Variants in UNC5D observed in about 807,000 individuals in gnomAD.
UNC5D encodes netrin receptor UNC5D.
Under a neutral mutation model 105.4 loss-of-function variants are expected in UNC5D, and 39 were observed. That is an observed-to-expected ratio of 0.37 (90% CI 0.29 to 0.48). UNC5D has a LOEUF of 0.48. Among genes scored for constraint, UNC5D ranks in the 20% least tolerant of loss-of-function variants. The pLI is 0.98. For missense variants in UNC5D, 991 were observed against 1,202.4 expected, an observed-to-expected ratio of 0.82 and a Z score of 2.60; for synonymous variants, 452 against 450.4, an observed-to-expected ratio of 1.00 and a Z score of -0.04.
chr8:35,271,422 C>T (rs924393924), intron 1 of UNC5D, among the ~76,000 whole-genome samples: 5 of 136,206 alleles, frequency 3.7e-5, no homozygotes, highest in Admixed American at 7.3e-5. Flanking sequence ...TATACACACA[C>T]ATATGTGTGT....
chr8:35,495,219 C>T (rs1186626961), intron 1 of UNC5D, among the ~76,000 whole-genome samples: 1 of 152,052 alleles, frequency 6.6e-6, no homozygotes, highest in Non-Finnish European at 1.5e-5. Context: ...TACTTCAGAA[C>T]AGCAGCACAG....
At chr8:35,736,419 T>C (rs1448737768) in intron 11 of UNC5D, among the ~76,000 whole-genome samples, 2 of 152,168 alleles carry the variant, frequency 1.3e-5, no homozygotes, top group African/African-American at 4.8e-5. Context: ...TTACACTCTT[T>C]TAATAACTAG....
Position 35,678,826 on chromosome 8 carries a change from CTT to C in UNC5D, c.571-4716_571-4715del, listed in dbSNP as rs978200658. ...TCCTCTTTTTTGTTCTTTTCTCTCT[CTT>C]TTTTCTCTTTCTTTCTCTCTTTCTT... On this transcript the variant is annotated intron_variant, in intron 4 of 16. Coordinates refer to ENST00000404895, the MANE Select transcript of UNC5D (RefSeq NM_080872.4). Among the ~76,000 whole-genome samples the C allele has an allele frequency of 2.6e-5, 4 of 152,104 alleles. No individual in the cohort carries two copies. The East Asian group carries it at 7.7e-4, about 29-fold the overall frequency.
intron 2 of UNC5D, among the ~76,000 whole-genome samples, chr8:35,565,086 C>G (rs935447479): frequency 6.6e-6 from 1 of 152,040 alleles, no homozygotes; most frequent in Non-Finnish European, 1.5e-5. Flanking sequence ...ATAATGACTT[C>G]GTTTTCTTTG....
At chr8:35,633,531 C>T (rs1354358233) in intron 4 of UNC5D, among the ~76,000 whole-genome samples, 1 of 151,764 alleles carries the variant, frequency 6.6e-6, no homozygotes, top group Non-Finnish European at 1.5e-5. Context: ...GAGGATCTCT[C>T]AAGACCAGGA....
At chr8:35,470,615 A>T (rs1355734075) in intron 1 of UNC5D, among the ~76,000 whole-genome samples, 1 of 151,002 alleles carries the variant, frequency 6.6e-6, no homozygotes. Flanking sequence ...AAAAAAAAAA[A>T]AAAAAATTAC....
intron 4 of UNC5D, among the ~76,000 whole-genome samples, chr8:35,671,488 C>CTT (rs1824801469): frequency 6.6e-6 from 1 of 152,130 alleles, no homozygotes; most frequent in Admixed American, 6.6e-5. Context: ...GCATAAAGAA[C>CTT]TTTTGTTTGG....
chr8:35,288,240 A>G (rs1269391540), intron 1 of UNC5D, among the ~76,000 whole-genome samples: 1 of 152,210 alleles, frequency 6.6e-6, no homozygotes, highest in East Asian at 1.9e-4. Context: ...GAGCCCCAGT[A>G]CATCTTTCAG....
At chr8:35,571,324 T>G (rs760045409) in intron 3 of UNC5D, among the ~76,000 whole-genome samples, 6 of 152,260 alleles carry the variant, frequency 3.9e-5, no homozygotes, top group Non-Finnish European at 2.9e-5. Context: ...TGAATATTAT[T>G]AAAGCCTAAA....
chr8:35,766,936 G>A lies in UNC5D; in HGVS notation c.2348G>A (p.Arg783Gln), dbSNP rs112851152. The A allele has an allele frequency of 1.5e-5, 24 of 1,613,572 alleles. No homozygotes were observed. Among genetic ancestry groups the A allele is most frequent in the Admixed American group, 3.3e-5 (2 of 59,956 alleles). The stretch of plus-strand genomic sequence containing the variant: ...TTCTCCCGCGTGTGGTGCAGTAACC[G>A]GCAGCCCCTGCACTGTGCCTTCTCC... Reference protein sequence around the residue: ...VPFSRVWCSNRQPLHCAFSLE... With the variant: ...VPFSRVWCSNQQPLHCAFSLE... The change falls in exon 15 of 17, where the codon CGG (arginine) becomes CAG (glutamine). Residue 783 changes from arginine to glutamine, a missense_variant. By Grantham distance (43) the Arg-to-Gln change is conservative. Around this residue, in one of 3 missense-constraint regions of UNC5D, gnomAD observed 944 missense variants for 1,131.6 expected, o/e 0.83. Transcript: ENST00000404895.
chr8:35,436,848 G>C (rs570602497), intron 1 of UNC5D, among the ~76,000 whole-genome samples: 1 of 152,002 alleles, frequency 6.6e-6, no homozygotes, highest in African/African-American at 2.4e-5. Context: ...AAAAAGCCTA[G>C]AGACTTTTTC....
At chr8:35,632,445 T>C (rs1822100122) in intron 4 of UNC5D, among the ~76,000 whole-genome samples, 2 of 152,208 alleles carry the variant, frequency 1.3e-5, no homozygotes, top group African/African-American at 2.4e-5. Flanking sequence ...GAAGGGGGCC[T>C]GGGCCCTTCT....
At position 35,791,590 on chromosome 8, in the gene UNC5D, T is replaced by A. The variant is rs564821210; in HGVS notation, c.*1027T>A. 1 of 152,314 alleles carries A rather than the reference T, an allele frequency of 6.6e-6. No individual in the cohort carries two copies. Among genetic ancestry groups the A allele is most frequent in the African/African-American group, 2.4e-5 (1 of 41,578 alleles). The allele number at this position is 152,314 out of a possible 1,614,324, so 9.4% of individuals were successfully genotyped here. ...TTCTTGAAATTGTCTAACATGTGGG[T>A]ACTGTGTCATCACAAAATCTCTCAG... On this transcript the variant is annotated 3_prime_UTR_variant, in exon 17 of 17. Coordinates refer to ENST00000404895, the MANE Select transcript of UNC5D (RefSeq NM_080872.4).
chr8:35,511,734 A>G (rs981292518), intron 1 of UNC5D, among the ~76,000 whole-genome samples: 8 of 146,208 alleles, frequency 5.5e-5, no homozygotes, highest in Admixed American at 2.0e-4. Flanking sequence ...ATGAGCTAAA[A>G]AAAAAATTAA....
At chr8:35,535,085 C>T (rs1363726239) in intron 1 of UNC5D, among the ~76,000 whole-genome samples, 1 of 152,050 alleles carries the variant, frequency 6.6e-6, no homozygotes, top group Non-Finnish European at 1.5e-5. Context: ...CAGGTCATTA[C>T]CCATCTCCTG....
chr8:35,675,138 T>C (rs1825123430), intron 4 of UNC5D, among the ~76,000 whole-genome samples: 2 of 152,212 alleles, frequency 1.3e-5, no homozygotes, highest in Admixed American at 1.3e-4. Flanking sequence ...TTATGAAATA[T>C]TAGTGGCTCC....
At chr8:35,508,611 AT>A (rs1184195976) in intron 1 of UNC5D, among the ~76,000 whole-genome samples, 1 of 152,246 alleles carries the variant, frequency 6.6e-6, no homozygotes, top group Non-Finnish European at 1.5e-5. Context: ...AAGTGACCTC[AT>A]ATCTCTTCCA....
intron 1 of UNC5D, among the ~76,000 whole-genome samples, chr8:35,323,892 C>T (rs1809943493): frequency 6.6e-6 from 1 of 152,036 alleles, no homozygotes; most frequent in Non-Finnish European, 1.5e-5. Context: ...CTGGTCGGTG[C>T]TCTTAAGAGC....
intron 1 of UNC5D, among the ~76,000 whole-genome samples, chr8:35,362,294 T>C (rs575354872): frequency 7.8e-4 from 119 of 152,356 alleles, no homozygotes; most frequent in East Asian, 1.5e-3. Context: ...ATTAGAACTC[T>C]TTAAGTAAAT....
Sources: gnomAD v4.1 joint callset for allele counts (sites outside exome capture counted in the v4.1 genomes callset) on GRCh38, gnomAD v4.1.1 for gene constraint, gnomAD v4.1.1 regional missense constraint, MANE v1.5 for transcripts, NCBI Gene and HGNC (gene_info 2026-07-23, HGNC 2026-07-21) for gene names.